NUFIP1: variants seen among roughly 807,000 people sequenced by gnomAD.
NUFIP1 encodes nuclear FMR1 interacting protein 1.
Under a neutral mutation model 56.2 loss-of-function variants are expected in NUFIP1, and 38 were observed. The ratio of observed to expected loss-of-function variants is 0.68; its 90% CI spans 0.52 to 0.89. NUFIP1 has a LOEUF of 0.89. Among genes scored for constraint, NUFIP1 ranks in the 40% least tolerant of loss-of-function variants. The pLI is 0.00. For missense variants in NUFIP1, 567 were observed against 605.8 expected (o/e 0.94, Z 0.67); for synonymous variants, 215 against 212.4 (o/e 1.01, Z -0.10).
chr13:44,977,691 C>T (rs1359869452), intron 5 of NUFIP1, among the ~76,000 whole-genome samples: 4 of 152,200 alleles, frequency 2.6e-5, no homozygotes, highest in Non-Finnish European at 5.9e-5. Context: ...GCCACAGATG[C>T]TCTTGAAATG....
rs1312316556 is a variant in NUFIP1 at position 44,989,160 on chromosome 13, AG to A, written c.276del (p.Phe93SerfsTer110). ...DAQILPGAQP[P>X]FDAQSPLDSQ... is the part of the protein sequence containing the mutation. ...GAATCAAGGGGAGACTGGGCGTCGAAGGGGGGTTGCGCCCCGGGAAGAATCT... is the reference window on the plus strand; with the variant it reads ...GAATCAAGGGGAGACTGGGCGTCGAAGGGGGTTGCGCCCCGGGAAGAATCT... On this transcript the variant is annotated frameshift_variant, in exon 1 of 10. Transcript: ENST00000379161. LOFTEE classifies it high-confidence loss of function. 1 of 1,613,394 alleles carries A rather than the reference AG, an allele frequency of 6.2e-7. No homozygotes were observed. Among genetic ancestry groups the A allele is most frequent in the Non-Finnish European group, 8.5e-7 (1 of 1,179,808 alleles).
chr13:44,963,185 A>C (rs988156827), intron 6 of NUFIP1, among the ~76,000 whole-genome samples: 18 of 152,238 alleles, frequency 1.2e-4, no homozygotes, highest in South Asian at 8.3e-4. Context: ...GTCCATGACT[A>C]TTATATATTG....
chr13:44,979,089 TC>T, intron 5 of NUFIP1, 100 bp downstream of exon 5: 1 of 922,816 alleles, frequency 1.1e-6, no homozygotes, highest in Admixed American at 2.3e-5. Flanking sequence ...ATGGTCCTCT[TC>T]CCTAGTTCCA....
At chr13:44,957,235 G>A (rs771875642) in intron 7 of NUFIP1, among the ~76,000 whole-genome samples, 1 of 151,922 alleles carries the variant, frequency 6.6e-6, no homozygotes, top group African/African-American at 2.4e-5. Flanking sequence ...TTTTGAGACC[G>A]AGTTTTGCTC....
At chr13:44,978,759 T>G (rs1189145680) in intron 5 of NUFIP1, among the ~76,000 whole-genome samples, 1 of 152,216 alleles carries the variant, frequency 6.6e-6, no homozygotes, top group Non-Finnish European at 1.5e-5. Context: ...TCAAGAAAGA[T>G]ACTTCAAACT....
intron 8 of NUFIP1, among the ~76,000 whole-genome samples, chr13:44,945,432 CAAA>C (rs1870874027): frequency 6.6e-6 from 1 of 151,670 alleles, no homozygotes; most frequent in South Asian, 2.1e-4. Flanking sequence ...AAACAAGAAA[CAAA>C]AAGAAAAACT....
chr13:44,960,763 A>C (rs1198416739), intron 6 of NUFIP1, among the ~76,000 whole-genome samples: 1 of 152,180 alleles, frequency 6.6e-6, no homozygotes, highest in African/African-American at 2.4e-5. Context: ...AACTACTTTT[A>C]GAAAGAAAGC....
rs76319144 is a variant in NUFIP1 at position 44,958,639 on chromosome 13, A to G, written c.1021+742T>C. On this transcript the variant is annotated intron_variant, in intron 7 of 9. Coordinates refer to ENST00000379161, the MANE Select transcript of NUFIP1 (RefSeq NM_012345.3). The stretch of plus-strand genomic sequence containing the variant: ...AGCCTACAATCAAATCTACAATGTC[A>G]CTAATGTCAATTCACTCACTAATAA... 4.7e-3 allele frequency among the ~76,000 whole-genome samples: 716 copies of G among 152,300 alleles called. 1 individual carries two copies. The highest frequency in any genetic ancestry group is 0.016 in the African/African-American group (674 of 41,574).
chr13:44,989,336 C>T lies in NUFIP1; in HGVS notation c.101G>A (p.Arg34Gln), dbSNP rs750178878. 1 of 1,612,896 alleles carries T rather than the reference C, an allele frequency of 6.2e-7. No individual in the cohort carries two copies. The highest frequency in any genetic ancestry group is 8.5e-7 in the Non-Finnish European group (1 of 1,179,694). Residue 34 changes from arginine to glutamine, a missense_variant, in exon 1 of 10, where the codon CGG (arginine) becomes CAG (glutamine). Transcript: ENST00000379161. The part of the protein sequence containing the change: ...LGPLSDTAPP[R>Q]DSWMFWAMLP... ...CATTGCCCAGAACATCCAGCTGTCC[C>T]GCGGCGGGGCAGTGTCGCTCAGGGG... is the stretch of plus-strand genomic sequence containing the variant.
chr13:44,979,878 A>T lies in NUFIP1; in HGVS notation c.657+12T>A, dbSNP rs3783150. ...CATGTATTTAAAAATAGGATAAAAAAACAGAACTTACATTTCTCCAATGGA... is the reference window on the plus strand; with the variant it reads ...CATGTATTTAAAAATAGGATAAAAATACAGAACTTACATTTCTCCAATGGA... On this transcript the variant is annotated intron_variant, in intron 4 of 9. Coordinates refer to ENST00000379161, the MANE Select transcript of NUFIP1 (RefSeq NM_012345.3). 6.3e-7 allele frequency: 1 copy of T among 1,580,184 alleles called. No homozygotes were observed. The highest frequency in any genetic ancestry group is 8.6e-7 in the Non-Finnish European group (1 of 1,165,942).
chr13:44,989,447 G>T lies in NUFIP1; in HGVS notation c.-11C>A. 1.2e-6 allele frequency: 2 copies of T among 1,611,754 alleles called. No homozygotes were observed. Among genetic ancestry groups the T allele is most frequent in the East Asian group, 2.2e-5 (1 of 44,828 alleles). ...AGTCGGCTCAGCCATACCACTGGCG[G>T]GTCCGGAGTCTAGCACGCGACTGTG... On this transcript the variant is annotated 5_prime_UTR_variant, in exon 1 of 10. Coordinates refer to ENST00000379161, the MANE Select transcript of NUFIP1 (RefSeq NM_012345.3).
intron 9 of NUFIP1, among the ~76,000 whole-genome samples, chr13:44,941,880 T>C (rs1046321125): frequency 1.2e-4 from 18 of 151,914 alleles, no homozygotes; most frequent in African/African-American, 4.1e-4. Context: ...GTATCTAGCA[T>C]AGGACAGGAA....
At chr13:44,970,376 A>G (rs79692980) in intron 5 of NUFIP1, among the ~76,000 whole-genome samples, 7,571 of 152,298 alleles carry the variant, frequency 0.05, 226 homozygotes, top group South Asian at 0.097. Context: ...TAAGGAAGCC[A>G]TATGCCAAGC....
intron 8 of NUFIP1, among the ~76,000 whole-genome samples, chr13:44,947,979 T>G (rs1038891721): frequency 1.3e-5 from 2 of 152,100 alleles, no homozygotes; most frequent in African/African-American, 4.8e-5. Context: ...CATGGCCCAC[T>G]TAAAAAAGAA....
chr13:44,966,416 G>A (rs1309731329), intron 5 of NUFIP1, among the ~76,000 whole-genome samples: 1 of 152,046 alleles, frequency 6.6e-6, no homozygotes, highest in Non-Finnish European at 1.5e-5. Context: ...CTGGGTTCAA[G>A]CAATTCTCCT....
chr13:44,949,999 T>C (rs1451735018), intron 7 of NUFIP1, among the ~76,000 whole-genome samples, 161 bp from the exon 8 acceptor site: 1 of 152,212 alleles, frequency 6.6e-6, no homozygotes, highest in East Asian at 1.9e-4. Context: ...CCCCTTGGTT[T>C]AGACATCTTC....
intron 8 of NUFIP1, among the ~76,000 whole-genome samples, chr13:44,947,709 GT>G (rs991019089): frequency 1.3e-5 from 2 of 152,118 alleles, no homozygotes; most frequent in African/African-American, 4.8e-5. Context: ...AGTCCAGCCT[GT>G]TTTTATGGGA....
intron 5 of NUFIP1, among the ~76,000 whole-genome samples, chr13:44,978,497 T>G (rs1004857124): frequency 6.6e-6 from 1 of 152,218 alleles, no homozygotes; most frequent in Non-Finnish European, 1.5e-5. Flanking sequence ...TCTAGTATTT[T>G]CTGAGAAGGC....
chr13:44,964,414 A>G (rs1020819790), intron 6 of NUFIP1, among the ~76,000 whole-genome samples: 1 of 152,102 alleles, frequency 6.6e-6, no homozygotes, highest in African/African-American at 2.4e-5. Context: ...GCAACAAGAG[A>G]AGTGAGCCCT....
Sources: allele counts gnomAD v4.1 joint callset (sites outside exome capture counted in the v4.1 genomes callset), GRCh38; gene constraint gnomAD v4.1.1; transcripts MANE v1.5; gene names NCBI Gene and HGNC (gene_info 2026-07-23, HGNC 2026-07-21).